Variants in RASAL2 observed in about 807,000 individuals in gnomAD.
RASAL2 encodes the protein ras GTPase-activating protein nGAP.
RASAL2 carries 58 observed loss-of-function variants against 128.9 expected under a neutral mutation model. That is an observed-to-expected ratio of 0.45 (90% confidence interval 0.36 to 0.56). RASAL2 has a LOEUF of 0.56. RASAL2 is among the 20% of genes least tolerant of loss of function. The probability of loss-of-function intolerance (pLI) is 0.00; values close to 1 mark genes in which losing one functional copy is unlikely to be tolerated. For missense variants in RASAL2, 1,360 were observed against 1,601.6 expected (o/e 0.85, Z 2.57); for synonymous variants, 561 against 580.8 (o/e 0.97, Z 0.49).
intron 1 of RASAL2, among the ~76,000 whole-genome samples, chr1:178,238,792 A>C (rs1664372035): frequency 6.6e-6 from 1 of 152,100 alleles, no homozygotes; most frequent in Non-Finnish European, 1.5e-5. Flanking sequence ...GATTACAATG[A>C]ACAGTATGAT....
chr1:178,291,990 C>T (rs1226652971), intron 2 of RASAL2, among the ~76,000 whole-genome samples: 4 of 144,090 alleles, frequency 2.8e-5, no homozygotes, highest in Non-Finnish European at 4.5e-5. Context: ...AAGTTGAGAT[C>T]GCACCATTGC....
chr1:178,166,234 C>A (rs1661511685), intron 1 of RASAL2, among the ~76,000 whole-genome samples: 1 of 152,106 alleles, frequency 6.6e-6, no homozygotes, highest in African/African-American at 2.4e-5. Flanking sequence ...CTGTGTAACA[C>A]AATATTAATG....
intron 2 of RASAL2, among the ~76,000 whole-genome samples, chr1:178,285,103 CTTTTTTTTTTTTTTTT>C (rs58901015): frequency 2.4e-5 from 2 of 81,954 alleles, no homozygotes; most frequent in African/African-American, 6.1e-5. Context: ...TTGCTACTTT[CTTTTTTTTTTTTTTTT>C]TTTTTTTTTT....
chr1:178,286,904 T>C (rs1667055980), intron 2 of RASAL2, among the ~76,000 whole-genome samples: 1 of 152,214 alleles, frequency 6.6e-6, no homozygotes, highest in African/African-American at 2.4e-5. Context: ...TTGCTACAAC[T>C]CCTTCATATT....
At chr1:178,124,764 A>G (rs1659836759) in intron 1 of RASAL2, among the ~76,000 whole-genome samples, 1 of 152,140 alleles carries the variant, frequency 6.6e-6, no homozygotes, top group Admixed American at 6.6e-5. Context: ...CTCTTTCAGA[A>G]TTGCCCCGCC....
chr1:178,342,385 C>T (rs1246933403), intron 3 of RASAL2, among the ~76,000 whole-genome samples: 1 of 152,126 alleles, frequency 6.6e-6, no homozygotes. Flanking sequence ...TATATATAGG[C>T]TTATATTTTC....
intron 4 of RASAL2, among the ~76,000 whole-genome samples, chr1:178,410,898 G>C (rs550851228): frequency 3.9e-5 from 6 of 152,180 alleles, no homozygotes; most frequent in African/African-American, 1.4e-4. Context: ...GTGGTGAAAA[G>C]GGAACACTTT....
intron 1 of RASAL2, among the ~76,000 whole-genome samples, chr1:178,098,601 C>A (rs1658780122): frequency 6.6e-6 from 1 of 152,254 alleles, no homozygotes. Context: ...GAGCTCTGCA[C>A]TCATCAGTAT....
Position 178,420,026 on chromosome 1 carries a change from T to G in RASAL2, c.565-485T>G, listed in dbSNP as rs146867938. Among the ~76,000 whole-genome samples, 3 of 152,348 alleles carry G rather than the reference T, an allele frequency of 2.0e-5. No homozygotes were observed. In the East Asian group the frequency reaches 5.8e-4, roughly 29 times the overall value. On this transcript the variant is annotated intron_variant, in intron 4 of 17. Coordinates refer to ENST00000367649, the MANE Select transcript of RASAL2 (RefSeq NM_170692.4). ...TATCTTAGAACAAAGCTTTTTCTCT[T>G]CTGTCAGTTATCTTTTAATTCCTCC...
chr1:178,141,066 T>G (rs981679624), intron 1 of RASAL2, among the ~76,000 whole-genome samples: 2 of 152,110 alleles, frequency 1.3e-5, no homozygotes, highest in Non-Finnish European at 2.9e-5. Flanking sequence ...TTATGTGAAC[T>G]CAGAGCGAGA....
At chr1:178,383,029 A>G (rs1433934053) in intron 3 of RASAL2, among the ~76,000 whole-genome samples, 3 of 152,172 alleles carry the variant, frequency 2.0e-5, no homozygotes, top group Non-Finnish European at 4.4e-5. Context: ...TGTGGGTGGT[A>G]TTCAGATTCC....
At chr1:178,382,225 T>A (rs936173309) in intron 3 of RASAL2, among the ~76,000 whole-genome samples, 2 of 152,212 alleles carry the variant, frequency 1.3e-5, no homozygotes, top group Non-Finnish European at 2.9e-5. Flanking sequence ...ATAAGTTGTT[T>A]CCTGTTTTGT....
intron 3 of RASAL2, among the ~76,000 whole-genome samples, chr1:178,382,148 A>T (rs1458345868): frequency 6.6e-6 from 1 of 152,222 alleles, no homozygotes; most frequent in Non-Finnish European, 1.5e-5. Flanking sequence ...TGGCATTGAA[A>T]GACATGGTTT....
In RASAL2 at chr1:178,478,495, T is replaced by C. The variant is rs1648831824; in HGVS notation, c.*5256T>C. 1 of 152,236 alleles carries C rather than the reference T, an allele frequency of 6.6e-6. No homozygotes were observed. Among genetic ancestry groups the C allele is most frequent in the Non-Finnish European group, 1.5e-5 (1 of 68,038 alleles). The allele number at this position is 152,236 out of a possible 1,614,324, so 9.4% of individuals were successfully genotyped here. A position where few individuals can be genotyped will look rare whatever the true frequency, so the allele number is the denominator to read the frequency against. ...CTGTGAGGAAATGACCTTCTAAATT[T>C]GATTTTGTTTTTCATCTCCAGGGCC... On this transcript the variant is annotated 3_prime_UTR_variant, in exon 18 of 18. Coordinates refer to ENST00000367649, the MANE Select transcript of RASAL2 (RefSeq NM_170692.4).
At chr1:178,185,111 GTTTT>G (rs1197156459) in intron 1 of RASAL2, among the ~76,000 whole-genome samples, 3 of 141,316 alleles carry the variant, frequency 2.1e-5, no homozygotes, top group Admixed American at 2.1e-4. Flanking sequence ...TTTAGTTTTT[GTTTT>G]TTTTTTTTTA....
rs545015496 is a variant in RASAL2 at position 178,136,819 on chromosome 1, G to T, written c.202+42125G>T. Among the ~76,000 whole-genome samples, 132 of 145,176 alleles carry T rather than the reference G, an allele frequency of 9.1e-4. 1 individual carries two copies. Among genetic ancestry groups the T allele is most frequent in the African/African-American group, 3.2e-3 (123 of 38,504 alleles). On this transcript the variant is annotated intron_variant, in intron 1 of 17. Coordinates refer to ENST00000367649, the MANE Select transcript of RASAL2 (RefSeq NM_170692.4). ...AGATAAGACAACCAGAAAAGAAAAG[G>T]TGTCCCTGATGAGATATATTTAAAC...
chr1:178,458,122 A>G lies in RASAL2; in HGVS notation c.2830A>G (p.Ser944Gly). Residue 944 changes from serine (S) to glycine (G), a missense_variant, in exon 14 of 18, where the codon AGT becomes GGT. By Grantham distance (56) the Ser-to-Gly change is moderately conservative. Around this residue, in one of 3 missense-constraint regions of RASAL2, gnomAD observed 741 missense variants for 868.6 expected, o/e 0.85. Transcript: ENST00000367649. The stretch of plus-strand genomic sequence containing the variant: ...AATGCCAAAGGCCTCTATAGATTCC[A>G]GTTTGGAGAACCTAAGCACTGCCAG... ...PAMPKASIDS[S>G]LENLSTASSR... The G allele has an allele frequency of 6.2e-7, 1 of 1,614,220 alleles. No homozygotes were observed. The highest frequency in any genetic ancestry group is 2.2e-5 in the East Asian group (1 of 44,884).
At chr1:178,279,353 G>A (rs1028332644) in intron 1 of RASAL2, among the ~76,000 whole-genome samples, 2 of 152,024 alleles carry the variant, frequency 1.3e-5, no homozygotes, top group African/African-American at 4.8e-5. Context: ...TTCAAAATCT[G>A]GCTCACATGG....
rs531521740 is a variant in RASAL2 at position 178,445,942 on chromosome 1, G to T, written c.1627+280G>T. 3.3e-5 allele frequency among the ~76,000 whole-genome samples: 5 copies of T among 152,292 alleles called. No homozygotes were observed. The East Asian group carries it at 7.7e-4, about 24-fold the overall frequency. ...GTAATATCAGCAGTGTCCACTGATA[G>T]ATCTGAGGTGGTCTGTTTTGCCCAA... On this transcript the variant is annotated intron_variant, in intron 9 of 17. Coordinates refer to ENST00000367649, the MANE Select transcript of RASAL2 (RefSeq NM_170692.4).
Sources: gnomAD v4.1 joint callset for allele counts (sites outside exome capture counted in the v4.1 genomes callset) on GRCh38, gnomAD v4.1.1 for gene constraint, gnomAD v4.1.1 regional missense constraint, MANE v1.5 for transcripts, NCBI Gene and HGNC (gene_info 2026-07-23, HGNC 2026-07-21) for gene names.